The following SUPT3H variants were observed in gnomAD, a reference collection of about 807,000 sequenced individuals.
The protein encoded by SUPT3H is transcription initiation protein SPT3 homolog.
In SUPT3H, 44 loss-of-function variants were observed where a neutral mutation model predicts 44.3. The observed-to-expected ratio is 0.99, with a 90% CI of 0.78 to 1.28. SUPT3H has a LOEUF of 1.28. Ranked by LOEUF, SUPT3H falls within the 50% of genes most tolerant of loss-of-function variation. The pLI is 0.00. For synonymous variants in SUPT3H, 124 were observed against 125.6 expected (o/e 0.99, Z 0.09); for missense variants, 380 against 387.1 (o/e 0.98, Z 0.15).
intron 6 of SUPT3H, among the ~76,000 whole-genome samples, chr6:45,002,418 A>G (rs1026467501): frequency 2.0e-5 from 3 of 152,028 alleles, no homozygotes; most frequent in Non-Finnish European, 4.4e-5. Flanking sequence ...CTAATGCTTT[A>G]TGTATTATGC....
intron 2 of SUPT3H, among the ~76,000 whole-genome samples, chr6:45,186,732 G>A (rs888548168): frequency 2.6e-5 from 4 of 152,080 alleles, no homozygotes; most frequent in African/African-American, 9.7e-5. Flanking sequence ...CCTGACCCAG[G>A]TCATAAAATC....
intron 10 of SUPT3H, among the ~76,000 whole-genome samples, chr6:44,922,665 CT>C (rs1340141889): frequency 2.0e-5 from 3 of 151,942 alleles, no homozygotes; most frequent in African/African-American, 4.8e-5. Context: ...TGTTATTTTT[CT>C]AATATTCAAC....
intron 6 of SUPT3H, among the ~76,000 whole-genome samples, chr6:45,000,271 T>C (rs1781845436): frequency 6.7e-6 from 1 of 149,240 alleles, no homozygotes; most frequent in South Asian, 2.1e-4. Flanking sequence ...ATTAGCCTTT[T>C]TCTTTTATGT....
At chr6:45,011,196 G>A (rs1783430514) in intron 5 of SUPT3H, among the ~76,000 whole-genome samples, 1 of 151,926 alleles carries the variant, frequency 6.6e-6, no homozygotes. Flanking sequence ...ATCTTTGTCT[G>A]GTTTTCATAT....
At chr6:44,895,505 G>A (rs1217910265) in intron 10 of SUPT3H, among the ~76,000 whole-genome samples, 2 of 152,098 alleles carry the variant, frequency 1.3e-5, no homozygotes, top group Admixed American at 6.5e-5. Flanking sequence ...ATATATTCAA[G>A]GACATTTTGT....
intron 2 of SUPT3H, among the ~76,000 whole-genome samples, chr6:45,323,927 C>T (rs1270506137): frequency 4.6e-5 from 7 of 152,108 alleles, no homozygotes; most frequent in East Asian, 1.9e-4. Flanking sequence ...TCCCTAGATA[C>T]GTTAAATAGC....
At chr6:44,961,438 A>G (rs1776005772) in intron 7 of SUPT3H, among the ~76,000 whole-genome samples, 1 of 152,198 alleles carries the variant, frequency 6.6e-6, no homozygotes, top group Non-Finnish European at 1.5e-5. Flanking sequence ...AAATATGACT[A>G]GGAAACTAGA....
chr6:45,186,008 G>A (rs1157198094), intron 2 of SUPT3H, among the ~76,000 whole-genome samples: 1 of 152,128 alleles, frequency 6.6e-6, no homozygotes, highest in Non-Finnish European at 1.5e-5. Context: ...GTTCAGCAGG[G>A]GACCAATGTT....
chr6:44,810,000 G>T (rs1451930121), intron 11 of SUPT3H, among the ~76,000 whole-genome samples: 2 of 152,200 alleles, frequency 1.3e-5, no homozygotes, highest in Non-Finnish European at 2.9e-5. Flanking sequence ...TGTGGTGAAG[G>T]GGCCAAATGT....
chr6:45,231,044 CTTG>C (rs1355918134), intron 2 of SUPT3H, among the ~76,000 whole-genome samples: 1 of 152,104 alleles, frequency 6.6e-6, no homozygotes, highest in African/African-American at 2.4e-5. Flanking sequence ...TCCCCGTCAC[CTTG>C]TTAACTGTTG....
intron 2 of SUPT3H, among the ~76,000 whole-genome samples, chr6:45,210,798 C>CA (rs1200052465): frequency 6.6e-6 from 1 of 152,168 alleles, no homozygotes; most frequent in Non-Finnish European, 1.5e-5. Context: ...ACCAGGCAAT[C>CA]AAAAAATTCA....
chr6:45,099,108 C>G, intron 3 of SUPT3H: 1 of 351,144 alleles, frequency 2.8e-6, no homozygotes, highest in Non-Finnish European at 5.7e-6. Context: ...GCCACCAGCC[C>G]CTAGTCTTCC....
intron 2 of SUPT3H, among the ~76,000 whole-genome samples, chr6:45,129,542 C>T (rs1447199495): frequency 6.6e-6 from 1 of 152,126 alleles, no homozygotes; most frequent in African/African-American, 2.4e-5. Context: ...ATTGAAAGTT[C>T]ACCGTCCTAG....
intron 2 of SUPT3H, among the ~76,000 whole-genome samples, chr6:45,142,949 T>TA (rs550420761): frequency 2.0e-5 from 3 of 149,054 alleles, no homozygotes; most frequent in East Asian, 2.0e-4. Flanking sequence ...CAACGACAAT[T>TA]AAAAAAAAAG....
intron 2 of SUPT3H, among the ~76,000 whole-genome samples, chr6:45,296,938 A>G (rs572321524): frequency 6.9e-5 from 10 of 145,862 alleles, no homozygotes; most frequent in African/African-American, 2.5e-4. Flanking sequence ...CTCAAGAAAA[A>G]AAAAAAAAGG....
intron 3 of SUPT3H, among the ~76,000 whole-genome samples, chr6:45,086,922 T>G (rs954437509): frequency 6.6e-6 from 1 of 151,926 alleles, no homozygotes; most frequent in Non-Finnish European, 1.5e-5. Context: ...AACCTGTTGT[T>G]TCCAATCAGG....
chr6:45,123,013 T>C (rs1801893356), intron 2 of SUPT3H, among the ~76,000 whole-genome samples: 1 of 152,242 alleles, frequency 6.6e-6, no homozygotes, highest in African/African-American at 2.4e-5. Context: ...GTCCAAAAGC[T>C]GACACTTAAG....
At chr6:45,070,657 C>G (rs1209824403) in intron 3 of SUPT3H, among the ~76,000 whole-genome samples, 1 of 146,370 alleles carries the variant, frequency 6.8e-6, no homozygotes, top group Non-Finnish European at 1.5e-5. Flanking sequence ...ATCACTTGAA[C>G]CTGGGAGGTG....
rs147641934 is a variant in SUPT3H, at chr6:45,287,396, C to T, written c.101+77805G>A. On this transcript the variant is annotated intron_variant, in intron 2 of 10. Coordinates refer to ENST00000371459, the MANE Select transcript of SUPT3H (RefSeq NM_003599.4). ...AGCAGATAAACTGATAAACAAAATGCTGTATATCCATATAAGGCATTTAGC... is the reference window on the plus strand; with the variant it reads ...AGCAGATAAACTGATAAACAAAATGTTGTATATCCATATAAGGCATTTAGC... 2.5e-3 allele frequency among the ~76,000 whole-genome samples: 374 copies of T among 152,172 alleles called. 3 individuals carry two copies. The highest frequency in any genetic ancestry group is 8.7e-3 in the African/African-American group (360 of 41,550).
Sources: allele counts gnomAD v4.1 joint callset (sites outside exome capture counted in the v4.1 genomes callset), GRCh38; gene constraint gnomAD v4.1.1; transcripts MANE v1.5; gene names NCBI Gene and HGNC (gene_info 2026-07-23, HGNC 2026-07-21).